The following NDST4 variants were observed in gnomAD, a reference collection of about 807,000 sequenced individuals.
NDST4 encodes N-heparan sulfate sulfotransferase 4.
NDST4 carries 63 observed loss-of-function variants against 100.8 expected under a neutral mutation model. The ratio of observed to expected loss-of-function variants is 0.62; its 90% confidence interval spans 0.51 to 0.77. NDST4 has a LOEUF of 0.77. Ranked by LOEUF, NDST4 falls within the 30% of genes least tolerant of loss-of-function variation. NDST4 has a pLI of 0.00. For synonymous variants in NDST4, 377 were observed against 361.8 expected, an observed-to-expected ratio of 1.04 and a Z score of -0.48; for missense variants, 943 against 1,018.4, an observed-to-expected ratio of 0.93 and a Z score of 1.01.
intron 2 of NDST4, among the ~76,000 whole-genome samples, chr4:115,055,247 C>T (rs960656047): frequency 5.9e-5 from 9 of 151,838 alleles, no homozygotes; most frequent in Admixed American, 4.6e-4. Flanking sequence ...GTTATGGTAA[C>T]GTGTATAATT....
chr4:114,848,035 A>G (rs1269721627), intron 9 of NDST4, among the ~76,000 whole-genome samples, 180 bp downstream of exon 9: 1 of 152,226 alleles, frequency 6.6e-6, no homozygotes, highest in Non-Finnish European at 1.5e-5. Flanking sequence ...TCATTATTGC[A>G]CTGTCCAAAT....
intron 6 of NDST4, among the ~76,000 whole-genome samples, chr4:114,933,432 CTTTTTTT>C (rs367931653): frequency 1.7e-4 from 15 of 89,248 alleles, no homozygotes; most frequent in South Asian, 1.6e-3. Context: ...TTTTCTTTTC[CTTTTTTT>C]TTTTTTTTTT....
intron 2 of NDST4, among the ~76,000 whole-genome samples, chr4:115,037,761 T>C (rs1728264438): frequency 6.6e-6 from 1 of 152,130 alleles, no homozygotes; most frequent in Non-Finnish European, 1.5e-5. Flanking sequence ...TTCTAGTCCA[T>C]GTCAGTCATA....
At chr4:114,949,104 G>C (rs1360696800) in intron 4 of NDST4, among the ~76,000 whole-genome samples, 1 of 151,928 alleles carries the variant, frequency 6.6e-6, no homozygotes, top group Non-Finnish European at 1.5e-5. Context: ...CACTGAAACA[G>C]TGAAACTAAA....
intron 1 of NDST4, among the ~76,000 whole-genome samples, chr4:115,105,716 TTGAC>T (rs1729820575): frequency 6.6e-6 from 1 of 152,174 alleles, no homozygotes; most frequent in Admixed American, 6.6e-5. Flanking sequence ...GTTTGTTGCT[TTGAC>T]TGAGTAGAAT....
chr4:114,853,242 T>A (rs1723718600), intron 7 of NDST4, among the ~76,000 whole-genome samples: 1 of 151,148 alleles, frequency 6.6e-6, no homozygotes, highest in Admixed American at 6.6e-5. Flanking sequence ...CTTGGCCAAC[T>A]TTTCCTTTTC....
chr4:115,031,473 G>GTAC (rs1433927797), intron 2 of NDST4, among the ~76,000 whole-genome samples: 1 of 152,018 alleles, frequency 6.6e-6, no homozygotes, highest in African/African-American at 2.4e-5. Flanking sequence ...CTGGTGTAGA[G>GTAC]TACTGCCTGA....
chr4:114,996,034 AACTT>A (rs1727154066), intron 2 of NDST4, among the ~76,000 whole-genome samples: 1 of 152,122 alleles, frequency 6.6e-6, no homozygotes, highest in South Asian at 2.1e-4. Context: ...TTCCATAGGA[AACTT>A]ATCTTAAGAG....
Position 115,031,660 on chromosome 4 carries a change from T to A in NDST4, c.978+44399A>T, listed in dbSNP as rs548019002. Reference sequence around the variant, plus strand: ...TCATGTAGTTTAAAGTATGCAAGCTTAAAGTAGAAATCACCTTTCTCTCCA... The same window carrying A: ...TCATGTAGTTTAAAGTATGCAAGCTAAAAGTAGAAATCACCTTTCTCTCCA... On this transcript the variant is annotated intron_variant, in intron 2 of 13. Transcript: ENST00000264363. Among the ~76,000 whole-genome samples, 26 of 152,222 alleles carry A rather than the reference T, an allele frequency of 1.7e-4. No individual in the cohort carries two copies. The South Asian group carries it at 5.2e-3, about 30-fold the overall frequency.
chr4:115,039,474 CAAG>C (rs951133236), intron 2 of NDST4, among the ~76,000 whole-genome samples: 7 of 151,796 alleles, frequency 4.6e-5, no homozygotes, highest in African/African-American at 1.7e-4. Flanking sequence ...CCGAATTAAG[CAAG>C]AAGTGAAAAT....
intron 2 of NDST4, among the ~76,000 whole-genome samples, chr4:115,062,988 T>C (rs500409): frequency 0.24 from 36,686 of 151,764 alleles, 5,985 homozygotes; most frequent in East Asian, 0.46. Context: ...TGCTTTCTTA[T>C]GTGATACAAG....
chr4:114,907,393 C>T (rs1402946784), intron 6 of NDST4, among the ~76,000 whole-genome samples: 5 of 152,162 alleles, frequency 3.3e-5, no homozygotes, highest in Non-Finnish European at 5.9e-5. Context: ...TTTAAAAATA[C>T]GGTAAATAAT....
At chr4:114,867,581 A>T (rs2126195459) in intron 7 of NDST4, among the ~76,000 whole-genome samples, 1 of 143,488 alleles carries the variant, frequency 7.0e-6, no homozygotes, top group South Asian at 2.3e-4. Flanking sequence ...CGATTAGCTC[A>T]TGTGTAAGAA....
intron 1 of NDST4, among the ~76,000 whole-genome samples, chr4:115,098,339 A>G (rs1729660929): frequency 6.6e-6 from 1 of 152,194 alleles, no homozygotes; most frequent in African/African-American, 2.4e-5. Flanking sequence ...GTGAAGACTG[A>G]CATGGTAAAC....
intron 1 of NDST4, among the ~76,000 whole-genome samples, chr4:115,083,990 C>A (rs1452021848): frequency 6.6e-6 from 1 of 152,106 alleles, no homozygotes; most frequent in African/African-American, 2.4e-5. Context: ...AATGTTGAAG[C>A]AACATTGGAA....
chr4:115,104,786 T>C (rs1398740745), intron 1 of NDST4, among the ~76,000 whole-genome samples: 1 of 152,120 alleles, frequency 6.6e-6, no homozygotes, highest in Non-Finnish European at 1.5e-5. Flanking sequence ...CTTAGATCAT[T>C]ATCTCCAAGT....
intron 2 of NDST4, among the ~76,000 whole-genome samples, chr4:115,003,480 A>T (rs1462198890): frequency 1.3e-5 from 2 of 152,130 alleles, no homozygotes; most frequent in African/African-American, 4.8e-5. Context: ...CCTTTACCTA[A>T]TTTTATGATG....
rs1726955967 is a variant in NDST4, at chr4:114,988,312, T to TA, written c.979-11039dup. ...AAACTTTTTGAAAATTTTCATATGA[T>TA]ACGTGGTTGAGTATTTTGTAAGCAC... On this transcript the variant is annotated intron_variant, in intron 2 of 13. Transcript: ENST00000264363. 2.0e-5 allele frequency among the ~76,000 whole-genome samples: 3 copies of TA among 149,856 alleles called. 1 individual carries two copies. The highest frequency in any genetic ancestry group is 4.0e-4 in the East Asian group (2 of 5,010).
At chr4:115,039,321 T>C (rs1158355556) in intron 2 of NDST4, among the ~76,000 whole-genome samples, 3 of 152,162 alleles carry the variant, frequency 2.0e-5, no homozygotes, top group African/African-American at 7.2e-5. Flanking sequence ...GAAAGGTTTT[T>C]ATGTATTTCT....
Sources: gnomAD v4.1 joint callset for allele counts (sites outside exome capture counted in the v4.1 genomes callset) on GRCh38, gnomAD v4.1.1 for gene constraint, MANE v1.5 for transcripts, NCBI Gene and HGNC (gene_info 2026-07-23, HGNC 2026-07-21) for gene names.